SDK1: variants seen among roughly 807,000 people sequenced by gnomAD.
The protein encoded by SDK1 is sidekick cell adhesion molecule 1.
A neutral mutation model predicts 245.5 loss-of-function variants in SDK1; 157 were observed. The ratio of observed to expected loss-of-function variants is 0.64; its 90% CI spans 0.56 to 0.73. SDK1 has a LOEUF of 0.73. Ranked by LOEUF, SDK1 falls within the 30% of genes least tolerant of loss-of-function variation. The pLI, the probability that SDK1 is intolerant of heterozygous loss-of-function variation, is 0.00. For missense variants in SDK1, 3,583 were observed against 3,002.3 expected (o/e 1.19, Z -4.52); for synonymous variants, 1,647 against 1,278.5 (o/e 1.29, Z -6.15).
intron 4 of SDK1, among the ~76,000 whole-genome samples, chr7:3,698,988 G>A (rs562238383): frequency 6.6e-6 from 1 of 152,222 alleles, no homozygotes; most frequent in African/African-American, 2.4e-5. Context: ...GGGGACGCTG[G>A]AGCTTTCACC....
chr7:3,542,535 C>T (rs1779083321), intron 1 of SDK1, among the ~76,000 whole-genome samples: 1 of 152,020 alleles, frequency 6.6e-6, no homozygotes, highest in Admixed American at 6.5e-5. Flanking sequence ...CATGCCTGGC[C>T]TATGGTAGGT....
At chr7:4,249,118 T>C (rs1583173660) in intron 44 of SDK1, among the ~76,000 whole-genome samples, 1 of 149,482 alleles carries the variant, frequency 6.7e-6, no homozygotes, top group African/African-American at 2.5e-5. Context: ...GGGAGGTGAG[T>C]GTGGGGATAG....
At chr7:3,716,021 C>T (rs1463098274) in intron 4 of SDK1, among the ~76,000 whole-genome samples, 1 of 149,104 alleles carries the variant, frequency 6.7e-6, no homozygotes, top group Non-Finnish European at 1.5e-5. Context: ...AGGATTAGCT[C>T]AGTAATAAAG....
intron 17 of SDK1, among the ~76,000 whole-genome samples, chr7:4,035,282 G>C (rs1397765176): frequency 6.6e-6 from 1 of 152,124 alleles, no homozygotes; most frequent in Non-Finnish European, 1.5e-5. Flanking sequence ...ACCATGCCCA[G>C]CCAGCACTAA....
chr7:3,922,617 A>C (rs1459388692), intron 5 of SDK1, among the ~76,000 whole-genome samples: 2 of 152,232 alleles, frequency 1.3e-5, no homozygotes, highest in Admixed American at 1.3e-4. Flanking sequence ...CCCAGAGAAG[A>C]AATCTAGTTT....
chr7:3,305,857 T>C (rs184975322), intron 1 of SDK1, among the ~76,000 whole-genome samples: 1 of 152,278 alleles, frequency 6.6e-6, no homozygotes, highest in African/African-American at 2.4e-5. Flanking sequence ...AAGCACTAAG[T>C]GCTCATTTAT....
intron 38 of SDK1, among the ~76,000 whole-genome samples, chr7:4,214,819 T>G (rs1486788741): frequency 6.6e-6 from 1 of 152,168 alleles, no homozygotes; most frequent in South Asian, 2.1e-4. Context: ...CACCTGGCTC[T>G]GACTAAGCCA....
At chr7:3,905,090 C>G (rs1778851720) in intron 5 of SDK1, among the ~76,000 whole-genome samples, 1 of 151,224 alleles carries the variant, frequency 6.6e-6, no homozygotes, top group Non-Finnish European at 1.5e-5. Flanking sequence ...AATAAAAATA[C>G]AATCATTTTT....
chr7:3,837,548 T>C (rs1219248659), intron 5 of SDK1, among the ~76,000 whole-genome samples: 2 of 152,246 alleles, frequency 1.3e-5, no homozygotes, highest in Non-Finnish European at 2.9e-5. Context: ...GCCTCTTCGT[T>C]CTTGAGGTAA....
chr7:3,417,535 G>A (rs553796581), intron 1 of SDK1, among the ~76,000 whole-genome samples: 10 of 152,186 alleles, frequency 6.6e-5, no homozygotes, highest in Middle Eastern at 3.4e-3. Context: ...CTCTGACCCC[G>A]TAGGCTAGGT....
intron 1 of SDK1, among the ~76,000 whole-genome samples, chr7:3,484,017 G>C (rs1363469979): frequency 6.6e-6 from 1 of 152,058 alleles, no homozygotes; most frequent in Non-Finnish European, 1.5e-5. Context: ...AGGGTAATTG[G>C]GATATCTGTC....
intron 1 of SDK1, among the ~76,000 whole-genome samples, chr7:3,531,290 G>A (rs1783335840): frequency 6.6e-6 from 1 of 152,230 alleles, no homozygotes; most frequent in African/African-American, 2.4e-5. Context: ...CTTAACATAA[G>A]TCCTTTATTT....
rs1781515195 is a variant in SDK1 at position 3,382,609 on chromosome 7, C to T, written c.298+80725C>T. Among the ~76,000 whole-genome samples, 4 of 151,988 alleles carry T rather than the reference C, an allele frequency of 2.6e-5. No individual in the cohort carries two copies. The South Asian group carries it at 8.3e-4, about 32-fold the overall frequency. Reference sequence around the variant, plus strand: ...TTGAAATATTTGCAGTCTTAATTGTCCTGATTTAAAAAATCATGTTTTTGA... The same window carrying T: ...TTGAAATATTTGCAGTCTTAATTGTTCTGATTTAAAAAATCATGTTTTTGA... On this transcript the variant is annotated intron_variant, in intron 1 of 44. Transcript: ENST00000404826.
intron 22 of SDK1, among the ~76,000 whole-genome samples, chr7:4,090,062 G>A (rs1269648197): frequency 6.6e-6 from 1 of 152,154 alleles, no homozygotes; most frequent in Non-Finnish European, 1.5e-5. Flanking sequence ...GCCAGAATGT[G>A]GGGGAAGTGA....
At chr7:3,596,091 C>G (rs542061840) in intron 1 of SDK1, among the ~76,000 whole-genome samples, 1 of 151,712 alleles carries the variant, frequency 6.6e-6, no homozygotes, top group Non-Finnish European at 1.5e-5. Flanking sequence ...ATTAATTATC[C>G]TTTATCTAAA....
chr7:3,640,560 A>G (rs951357870), intron 3 of SDK1, among the ~76,000 whole-genome samples: 1 of 152,246 alleles, frequency 6.6e-6, no homozygotes, highest in Admixed American at 6.5e-5. Flanking sequence ...ATCATTAAAT[A>G]GAGTGAAGAC....
At chr7:3,342,996 A>C (rs1005585574) in intron 1 of SDK1, among the ~76,000 whole-genome samples, 1 of 92,026 alleles carries the variant, frequency 1.1e-5, no homozygotes, top group Non-Finnish European at 2.2e-5. Flanking sequence ...CTTCTGCTAA[A>C]TGGCTGAAAA....
chr7:3,832,707 C>A (rs1779941611), intron 5 of SDK1, among the ~76,000 whole-genome samples: 1 of 152,174 alleles, frequency 6.6e-6, no homozygotes, highest in African/African-American at 2.4e-5. Flanking sequence ...GATGTAGATT[C>A]TTTCTGTGTG....
At chr7:4,142,644 G>A (rs1368647994) in intron 28 of SDK1, among the ~76,000 whole-genome samples, 1 of 152,016 alleles carries the variant, frequency 6.6e-6, no homozygotes, top group Non-Finnish European at 1.5e-5. Flanking sequence ...TGTATTTTTA[G>A]CAGAGACAGG....
Sources: gnomAD v4.1 joint callset for allele counts (sites outside exome capture counted in the v4.1 genomes callset) on GRCh38, gnomAD v4.1.1 for gene constraint, MANE v1.5 for transcripts, NCBI Gene and HGNC (gene_info 2026-07-23, HGNC 2026-07-21) for gene names.